SNAPC4: variants seen among roughly 807,000 people sequenced by gnomAD.
SNAPC4 encodes snRNA-activating protein complex subunit 4.
A neutral mutation model predicts 151.3 loss-of-function variants in SNAPC4; 127 were observed. That is an observed-to-expected ratio of 0.84 (90% confidence interval 0.73 to 0.97). The LOEUF is 0.97. Ranked by LOEUF, SNAPC4 falls within the 50% of genes least tolerant of loss-of-function variation. The pLI, the probability that SNAPC4 is intolerant of heterozygous loss-of-function variation, is 0.00. For synonymous variants in SNAPC4, 1,002 were observed against 824.4 expected (o/e 1.22, Z -3.69); for missense variants, 2,186 against 1,935.0 (o/e 1.13, Z -2.43).
intron 1 of SNAPC4, among the ~76,000 whole-genome samples, chr9:136,399,491 C>A (rs1423696928): frequency 1.3e-5 from 2 of 152,218 alleles, no homozygotes; most frequent in Admixed American, 1.3e-4. Flanking sequence ...GAGGCTGCTG[C>A]CTCCCCCTCC....
intron 10 of SNAPC4, among the ~76,000 whole-genome samples, chr9:136,390,843 T>TA (rs935604180): frequency 6.5e-4 from 99 of 151,474 alleles, no homozygotes; most frequent in African/African-American, 2.2e-3. Flanking sequence ...TTTATTTATT[T>TA]TTTTTTTTTT....
chr9:136,386,593 C>T (rs1193994538), intron 13 of SNAPC4, among the ~76,000 whole-genome samples: 1 of 149,352 alleles, frequency 6.7e-6, no homozygotes, highest in East Asian at 2.0e-4. Flanking sequence ...TGCCACCACG[C>T]CCGGCTAATT....
intron 1 of SNAPC4, among the ~76,000 whole-genome samples, chr9:136,399,930 G>C (rs1834397350): frequency 6.6e-6 from 1 of 152,080 alleles, no homozygotes; most frequent in Non-Finnish European, 1.5e-5. Context: ...TCCCAGCCGA[G>C]GGGCTCCCAG....
At chr9:136,376,248 G>A (rs1215055606) in intron 23 of SNAPC4, 101 bp downstream of exon 23, 20 of 1,420,326 alleles carry the variant, frequency 1.4e-5, no homozygotes, top group Non-Finnish European at 1.9e-5. Context: ...CACACCTGCT[G>A]TGAGCGCCAA....
At position 136,382,186 on chromosome 9, in the gene SNAPC4, G is replaced by A. The variant is rs914246565; in HGVS notation, c.2067+67C>T. ...CCCATCAGGGCATGATCGACGGGGA[G>A]AGGAATCACTCAGACCAGGGCGGGG... On this transcript the variant is annotated intron_variant, in intron 17 of 23. Transcript: ENST00000684778. 1.9e-6 allele frequency: 3 copies of A among 1,596,390 alleles called. No individual in the cohort carries two copies. The African/African-American group carries it at 4.0e-5, about 21-fold the overall frequency.
rs1216536198 is a variant in SNAPC4 at position 136,387,545 on chromosome 9, T to C, written c.1265A>G (p.Gln422Arg). 1 of 1,613,998 alleles carries C rather than the reference T, an allele frequency of 6.2e-7. No homozygotes were observed. Among genetic ancestry groups the C allele is most frequent in the Admixed American group, 1.7e-5 (1 of 60,022 alleles). ...CTCTTCCCGGATTTTAAACCAATCC[T>C]GCTCCCCGTATTTGGCAACAGCTTG... ...LLQAVAKYGE[Q>R]DWFKIREEVP... Residue 422 changes from glutamine to arginine, a missense_variant, in exon 13 of 24, where the codon CAG (glutamine) becomes CGG (arginine). Coordinates refer to ENST00000684778, the MANE Select transcript of SNAPC4 (RefSeq NM_003086.4).
At position 136,378,318 on chromosome 9, in the gene SNAPC4, C is replaced by G; in HGVS notation, c.3509G>C (p.Ser1170Thr). 6.2e-7 allele frequency: 1 copy of G among 1,604,182 alleles called. No individual in the cohort carries two copies. Among genetic ancestry groups the G allele is most frequent in the Non-Finnish European group, 8.5e-7 (1 of 1,176,020 alleles). ...LSQSPAEADGSVAFVPGEAQV... is the reference protein window; with the variant it reads ...LSQSPAEADGTVAFVPGEAQV... ...GGCCTCTCCAGGGACAAAGGCCACA[C>G]TGCCATCCGCTTCTGCAGGACTTTG... is the stretch of plus-strand genomic sequence containing the variant. Residue 1170 changes from serine to threonine, a missense_variant, in exon 22 of 24, where the codon AGT (serine) becomes ACT (threonine). Ser to Thr is a moderately conservative substitution (Grantham distance 58). Coordinates refer to ENST00000684778, the MANE Select transcript of SNAPC4 (RefSeq NM_003086.4).
At position 136,376,456 on chromosome 9, in the gene SNAPC4, G is replaced by A. The variant is rs778771065; in HGVS notation, c.4310C>T (p.Ser1437Phe). The change falls in exon 23 of 24, where the codon TCT becomes TTT. Residue 1437 changes from serine to phenylalanine, a missense_variant. Transcript: ENST00000684778. ...IQGAPDSGKC[S>F]ASSCLDTSND... ...AGAAGTATCCAGGCAGGAGGAAGCAGAGCATTTACCAGAGTCTGGGGCTCC... is the reference window on the plus strand; with the variant it reads ...AGAAGTATCCAGGCAGGAGGAAGCAAAGCATTTACCAGAGTCTGGGGCTCC... The A allele has an allele frequency of 6.2e-7, 1 of 1,613,390 alleles. No individual in the cohort carries two copies. The highest frequency in any genetic ancestry group is 8.5e-7 in the Non-Finnish European group (1 of 1,179,882).
At chr9:136,382,705 G>A (rs1311108377) in intron 16 of SNAPC4, among the ~76,000 whole-genome samples, 1 of 152,226 alleles carries the variant, frequency 6.6e-6, no homozygotes, top group Non-Finnish European at 1.5e-5. Context: ...ATGACTCCCA[G>A]GACAGACCAG....
In SNAPC4 at chr9:136,398,433, C is replaced by T. The variant is rs1165190216; in HGVS notation, c.-5G>A. 6.2e-7 allele frequency: 1 copy of T among 1,611,450 alleles called. No individual in the cohort carries two copies. Among genetic ancestry groups the T allele is most frequent in the South Asian group, 1.1e-5 (1 of 91,034 alleles). The stretch of plus-strand genomic sequence containing the variant: ...TCTTTCAGCATCTACATCCATGACT[C>T]CCGCCTGCCTCCAAAACACACCCCG... On this transcript the variant is annotated 5_prime_UTR_variant, in exon 2 of 24. Transcript: ENST00000684778.
Position 136,383,174 on chromosome 9 carries a change from G to A in SNAPC4, c.1983+12C>T. 2 of 1,521,914 alleles carry A rather than the reference G, an allele frequency of 1.3e-6. No individual in the cohort carries two copies. Among genetic ancestry groups the A allele is most frequent in the Non-Finnish European group, 1.8e-6 (2 of 1,136,960 alleles). 94.3% of individuals were successfully genotyped at this position (1,521,914 alleles called of 1,614,324 possible). On this transcript the variant is annotated intron_variant, in intron 16 of 23. Transcript: ENST00000684778. This position sits in a 1 kb window ranked among gnomAD's most constrained non-coding sequence, Gnocchi z 4.2. ...GTGCACTTCCCGTGGTACACCCAGG[G>A]CCGGGGCCTACCTCCAGGGCCTGCT... is the stretch of plus-strand genomic sequence containing the variant.
In SNAPC4 at chr9:136,388,476, A is replaced by G. The variant is rs758317535; in HGVS notation, c.1091T>C (p.Met364Thr). The change falls in exon 11 of 24, where the codon ATG (methionine) becomes ACG (threonine). Residue 364 changes from methionine to threonine, a missense_variant. Met to Thr is a moderately conservative substitution (Grantham distance 81). Transcript: ENST00000684778. ...DRMLTQLVQE[M>T]RVGSHIPYRR... ...GTAGGGGATGTGGCTGCCGACGCGC[A>G]TCTCCTGCACCAGCTGCGTGAGCAT... 1.2e-6 allele frequency: 2 copies of G among 1,612,706 alleles called. No individual in the cohort carries two copies. The highest frequency in any genetic ancestry group is 2.7e-5 in the African/African-American group (2 of 74,984).
intron 13 of SNAPC4, among the ~76,000 whole-genome samples, chr9:136,385,470 C>A (rs1588751699): frequency 6.6e-6 from 1 of 152,166 alleles, no homozygotes; most frequent in Non-Finnish European, 1.5e-5. Context: ...TAAAAAAGTG[C>A]AAGCAAATGT....
chr9:136,383,510 C>T lies in SNAPC4; in HGVS notation c.1659G>A (p.Gly553=), dbSNP rs753330623. Residue 553 remains glycine (G), a synonymous_variant, in exon 16 of 24, where the codon GGG becomes GGA. Coordinates refer to ENST00000684778, the MANE Select transcript of SNAPC4 (RefSeq NM_003086.4). The surrounding 1 kb of genome is among the most constrained non-coding windows in gnomAD (Gnocchi z 4.2). The part of the protein sequence containing the change: ...EEDEPEQAQA[G]EGDRALLSPQ... ...GGGACAGCAGCGCTCTGTCACCCTC[C>T]CCGGCCTGCGCCTGCTCTGGCTCGT... The T allele has an allele frequency of 6.3e-7, 1 of 1,581,550 alleles. No individual in the cohort carries two copies. The highest frequency in any genetic ancestry group is 8.6e-7 in the Non-Finnish European group (1 of 1,164,374).
chr9:136,380,838 C>A lies in SNAPC4; in HGVS notation c.2401G>T (p.Asp801Tyr). The A allele has an allele frequency of 6.2e-7, 1 of 1,603,368 alleles. No homozygotes were observed. The highest frequency in any genetic ancestry group is 1.1e-5 in the South Asian group (1 of 90,904). ...ACGACCTCCAAGCAGCCGGCAGTAT[C>A]GATGTGGAACAGCTGCGGGACACAG... ...FTLFTQLFHI[D>Y]TAGCLEVVRE... Residue 801 changes from aspartate to tyrosine, a missense_variant, in exon 20 of 24, where the codon GAT (aspartate) becomes TAT (tyrosine). Transcript: ENST00000684778.
intron 18 of SNAPC4, 30 bp downstream of exon 18, chr9:136,381,794 G>A (rs1336868526): frequency 6.3e-7 from 1 of 1,597,598 alleles, no homozygotes; most frequent in Admixed American, 1.7e-5. Context: ...CTCGCCCCCA[G>A]GATGCTCCCA....
intron 10 of SNAPC4, among the ~76,000 whole-genome samples, chr9:136,389,103 C>T (rs540263358): frequency 6.6e-6 from 1 of 152,212 alleles, no homozygotes; most frequent in African/African-American, 2.4e-5. Flanking sequence ...AGAGAGTGCC[C>T]CAAAATGACT....
At chr9:136,376,560 G>A (rs1013857030) in intron 22 of SNAPC4, 79 bp from the exon 23 acceptor site, 2 of 1,543,974 alleles carry the variant, frequency 1.3e-6, no homozygotes, top group East Asian at 4.5e-5. Flanking sequence ...GGAGTGAGGA[G>A]GGGCCCTGTG....
rs34717778 is a variant in SNAPC4, at chr9:136,386,146, C to CTT, written c.1326-1334_1326-1333dup. On this transcript the variant is annotated intron_variant, in intron 13 of 23. Transcript: ENST00000684778. ...CTCGACATCCTTGCCAACACGGTGA[C>CTT]TTTTTTTTTTTTTTAATTAACAGCC... Among the ~76,000 whole-genome samples the CTT allele has an allele frequency of 3.8e-3, 552 of 145,388 alleles. 1 individual carries two copies. Among genetic ancestry groups the CTT allele is most frequent in the Admixed American group, 6.8e-3 (99 of 14,592 alleles).
Sources: gnomAD v4.1 joint callset for allele counts (sites outside exome capture counted in the v4.1 genomes callset) on GRCh38, gnomAD v4.1.1 for gene constraint, Gnocchi (gnomAD v3.1) non-coding constraint, MANE v1.5 for transcripts, NCBI Gene and HGNC (gene_info 2026-07-23, HGNC 2026-07-21) for gene names.